Variants in SDE2 observed in about 807,000 individuals in gnomAD.
The protein encoded by SDE2 is splicing regulator SDE2.
In SDE2, 31 loss-of-function variants were observed where a neutral mutation model predicts 46.9. The ratio of observed to expected loss-of-function variants is 0.66; its 90% CI spans 0.50 to 0.89. The LOEUF (loss-of-function observed/expected upper bound fraction) is 0.89. Among genes scored for constraint, SDE2 ranks in the 40% least tolerant of loss-of-function variants. The pLI, the probability that SDE2 is intolerant of heterozygous loss-of-function variation, is 0.00. For synonymous variants in SDE2, 205 were observed against 204.3 expected (o/e 1.00, Z -0.03); for missense variants, 542 against 564.4 (o/e 0.96, Z 0.40).
chr1:225,989,015 T>C (rs1656331815), intron 5 of SDE2, among the ~76,000 whole-genome samples: 1 of 152,250 alleles, frequency 6.6e-6, no homozygotes, highest in Admixed American at 6.5e-5. Flanking sequence ...TAATAAATAG[T>C]TGGCCGGGCG....
intron 4 of SDE2, 69 bp downstream of exon 4, chr1:225,992,329 G>T: frequency 8.8e-7 from 1 of 1,133,284 alleles, no homozygotes; most frequent in Non-Finnish European, 1.3e-6. Flanking sequence ...TTTGTGCGTA[G>T]TGTAGAGCAG....
chr1:225,988,450 G>C, intron 5 of SDE2, 62 bp from the exon 6 acceptor site: 1 of 1,561,228 alleles, frequency 6.4e-7, no homozygotes, highest in Non-Finnish European at 8.7e-7. Context: ...CAAAGAGTTG[G>C]CTGGGCGCAG....
chr1:225,985,348 A>G lies in SDE2; in HGVS notation c.1310T>C (p.Ile437Thr). 6.2e-7 allele frequency: 1 copy of G among 1,614,200 alleles called. No homozygotes were observed. Among genetic ancestry groups the G allele is most frequent in the Non-Finnish European group, 8.5e-7 (1 of 1,180,044 alleles). Residue 437 changes from isoleucine to threonine, a missense_variant, in exon 7 of 7, where the codon ATT becomes ACT. By Grantham distance (89) the Ile-to-Thr change is moderately conservative. Around this residue, in one of 3 missense-constraint regions of SDE2, gnomAD observed 401 missense variants for 437.8 expected, o/e 0.92. Coordinates refer to ENST00000272091, the MANE Select transcript of SDE2 (RefSeq NM_152608.4). Reference sequence around the variant, plus strand: ...AGGCTTGGCAAATAAAGCCGGGTCAATTTGCTCCTTTGCCAGTCCTCTGAC... The same window carrying G: ...AGGCTTGGCAAATAAAGCCGGGTCAGTTTGCTCCTTTGCCAGTCCTCTGAC... ...FSVRGLAKEQIDPALFAKPLK... is the reference protein window; with the variant it reads ...FSVRGLAKEQTDPALFAKPLK...
At chr1:225,996,306 G>T (rs967881446) in intron 1 of SDE2, among the ~76,000 whole-genome samples, 2 of 152,092 alleles carry the variant, frequency 1.3e-5, no homozygotes, top group African/African-American at 4.8e-5. Context: ...AATACATTTT[G>T]TATCTGTTTA....
intron 6 of SDE2, 85 bp downstream of exon 6, chr1:225,987,811 G>A (rs1656298694): frequency 8.2e-7 from 1 of 1,223,128 alleles, no homozygotes; most frequent in African/African-American, 1.5e-5. Flanking sequence ...AGCAGCTGAG[G>A]GGCAAAAGCA....
chr1:225,998,103 G>C (rs537059587), intron 1 of SDE2, among the ~76,000 whole-genome samples: 40 of 152,272 alleles, frequency 2.6e-4, no homozygotes, highest in Non-Finnish European at 4.9e-4. Context: ...ACTCCAGCCC[G>C]GGCAACGGGA....
In SDE2 at chr1:225,983,267, G is replaced by A. The variant is rs966623779; in HGVS notation, c.*2035C>T. The A allele has an allele frequency of 9.9e-5, 15 of 152,118 alleles. No homozygotes were observed. The highest frequency in any genetic ancestry group is 3.6e-4 in the African/African-American group (15 of 41,424). The allele number at this position is 152,118 out of a possible 1,614,324, so 9.4% of individuals were successfully genotyped here. On this transcript the variant is annotated 3_prime_UTR_variant, in exon 7 of 7. Coordinates refer to ENST00000272091, the MANE Select transcript of SDE2 (RefSeq NM_152608.4). ...AGTGGCTATATTCACATAAGATAAA[G>A]TAGATTTCAAACCCAAATTACCAGA...
chr1:225,994,598 A>G (rs938674159), intron 2 of SDE2, among the ~76,000 whole-genome samples: 2 of 152,246 alleles, frequency 1.3e-5, no homozygotes, highest in East Asian at 1.9e-4. Context: ...CTCAACTTAT[A>G]AACAATTGTG....
At chr1:225,995,638 GCTT>G (rs1656505521) in intron 1 of SDE2, among the ~76,000 whole-genome samples, 2 of 152,158 alleles carry the variant, frequency 1.3e-5, no homozygotes, top group Non-Finnish European at 2.9e-5. Context: ...AACAAAAACT[GCTT>G]CTTCTTCTCT....
At chr1:225,989,293 CAAAAA>C (rs58512006) in intron 5 of SDE2, among the ~76,000 whole-genome samples, 122 of 130,318 alleles carry the variant, frequency 9.4e-4, no homozygotes, top group African/African-American at 3.0e-3. Context: ...AAGACTGTCT[CAAAAA>C]AAAAAAAAAA....
chr1:225,988,710 C>CA (rs1270208910), intron 5 of SDE2, among the ~76,000 whole-genome samples: 1 of 152,088 alleles, frequency 6.6e-6, no homozygotes, highest in Non-Finnish European at 1.5e-5. Flanking sequence ...GCCTGGGTGA[C>CA]AGAGTGAGAC....
chr1:225,986,210 T>C (rs1373828344), intron 6 of SDE2, among the ~76,000 whole-genome samples: 1 of 151,722 alleles, frequency 6.6e-6, no homozygotes, highest in East Asian at 1.9e-4. Flanking sequence ...GTGCCTGTAG[T>C]CTCAGCGTGC....
intron 5 of SDE2, among the ~76,000 whole-genome samples, chr1:225,989,293 CAAAA>C (rs58512006): frequency 6.1e-5 from 8 of 130,322 alleles, no homozygotes; most frequent in African/African-American, 2.0e-4. Flanking sequence ...AAGACTGTCT[CAAAA>C]AAAAAAAAAA....
In SDE2 at chr1:225,988,477, TC is replaced by T; in HGVS notation, c.642-90del. ...TGGGCGCAGTGGCTCAGGCCTGTAA[TC>T]CCAGGACTTTGGGAGGCCAAGGCAG... On this transcript the variant is annotated intron_variant, in intron 5 of 6. Transcript: ENST00000272091. The T allele has an allele frequency of 2.2e-6, 3 of 1,385,220 alleles. No homozygotes were observed. In the African/African-American group the frequency reaches 4.3e-5, roughly 20 times the overall value. 85.8% of individuals were successfully genotyped at this position (1,385,220 alleles called of 1,614,324 possible).
chr1:225,986,827 C>A (rs1020289582), intron 6 of SDE2, among the ~76,000 whole-genome samples: 4 of 152,146 alleles, frequency 2.6e-5, no homozygotes, highest in African/African-American at 9.7e-5. Context: ...CCAGAAAGGG[C>A]AATTTATGCA....
chr1:225,993,472 C>T (rs1051707929), intron 2 of SDE2, among the ~76,000 whole-genome samples: 8 of 151,984 alleles, frequency 5.3e-5, no homozygotes, highest in African/African-American at 1.9e-4. Flanking sequence ...ATTAGCCAGG[C>T]GTGGTGGCGG....
At chr1:225,987,258 G>A (rs1474274996) in intron 6 of SDE2, among the ~76,000 whole-genome samples, 3 of 152,058 alleles carry the variant, frequency 2.0e-5, no homozygotes, top group Non-Finnish European at 4.4e-5. Flanking sequence ...TCACCATGCT[G>A]GCCAGGCTGG....
chr1:225,997,308 A>G (rs1656550162), intron 1 of SDE2, among the ~76,000 whole-genome samples: 1 of 152,204 alleles, frequency 6.6e-6, no homozygotes, highest in African/African-American at 2.4e-5. Context: ...TTAAAAACAT[A>G]GGTGTGAACT....
intron 1 of SDE2, among the ~76,000 whole-genome samples, chr1:225,997,275 C>G (rs1656549379): frequency 6.6e-6 from 1 of 152,154 alleles, no homozygotes; most frequent in South Asian, 2.1e-4. Context: ...CTAACTTCAT[C>G]ATGTCTCAGA....
Sources: gnomAD v4.1 joint callset for allele counts (sites outside exome capture counted in the v4.1 genomes callset) on GRCh38, gnomAD v4.1.1 for gene constraint, gnomAD v4.1.1 regional missense constraint, MANE v1.5 for transcripts, NCBI Gene and HGNC (gene_info 2026-07-23, HGNC 2026-07-21) for gene names.